The following SMC1B variants were observed in gnomAD, a reference collection of about 807,000 sequenced individuals.
SMC1B encodes structural maintenance of chromosomes 1B.
SMC1B carries 60 observed loss-of-function variants against 157.9 expected under a neutral mutation model. The ratio of observed to expected loss-of-function variants is 0.38; its 90% confidence interval spans 0.31 to 0.47. The LOEUF is 0.47. Ranked by LOEUF, SMC1B falls within the 20% of genes least tolerant of loss-of-function variation. The pLI is 0.99. For synonymous variants in SMC1B, 445 were observed against 483.0 expected (o/e 0.92, Z 1.03); for missense variants, 1,165 against 1,426.2 (o/e 0.82, Z 2.95).
intron 13 of SMC1B, 26 bp downstream of exon 13, chr22:45,372,129 T>C (rs771330049): frequency 3.8e-6 from 6 of 1,562,296 alleles, no homozygotes; most frequent in Non-Finnish European, 5.2e-6. Context: ...CAAATGCCTA[T>C]CATATTTTAT....
chr22:45,389,311 C>G (rs2087029711), intron 10 of SMC1B, among the ~76,000 whole-genome samples: 1 of 152,178 alleles, frequency 6.6e-6, no homozygotes, highest in African/African-American at 2.4e-5. Context: ...TTAGCCTTTT[C>G]CACAAAGAGC....
chr22:45,374,537 T>C (rs532957823), intron 12 of SMC1B, among the ~76,000 whole-genome samples: 4 of 152,356 alleles, frequency 2.6e-5, no homozygotes, highest in African/African-American at 7.2e-5. Context: ...CCTAATGTTT[T>C]TGAATTTTTA....
At position 45,408,758 on chromosome 22, in the gene SMC1B, A is replaced by T; in HGVS notation, c.250T>A (p.Tyr84Asn). The T allele has an allele frequency of 6.3e-7, 1 of 1,599,684 alleles. No homozygotes were observed. The highest frequency in any genetic ancestry group is 8.5e-7 in the Non-Finnish European group (1 of 1,175,244). Residue 84 changes from tyrosine (Y) to asparagine (N), a missense_variant, in exon 2 of 25, where the codon TAT becomes AAT. Transcript: ENST00000357450. ...TTCTCTTCGCCACTTTCCTCCACAT[A>T]TATAATTTTTACACTTGCAGAAGAA... The part of the protein sequence containing the change: ...ISSSASVKII[Y>N]VEESGEEKTF...
At chr22:45,397,531 A>G (rs1003064142) in intron 6 of SMC1B, among the ~76,000 whole-genome samples, 2 of 152,190 alleles carry the variant, frequency 1.3e-5, no homozygotes, top group African/African-American at 4.8e-5. Context: ...GACAGTTTAA[A>G]GCCTAGCTAC....
In SMC1B at chr22:45,398,551, C is replaced by T. The variant is rs551405204; in HGVS notation, c.1113+544G>A. ...TGACTGAGAAAAATCCTGCATCGGC[C>T]GGGCATGGTGGCTCACGCCTGTAAT... On this transcript the variant is annotated intron_variant, in intron 6 of 24. Coordinates refer to ENST00000357450, the MANE Select transcript of SMC1B (RefSeq NM_148674.5). 3.9e-3 allele frequency among the ~76,000 whole-genome samples: 594 copies of T among 152,264 alleles called. 9 individuals are homozygous for T. The highest frequency in any genetic ancestry group is 1.6e-3 in the Non-Finnish European group (111 of 67,998).
intron 22 of SMC1B, 121 bp downstream of exon 22, chr22:45,352,330 A>G (rs1325467764): frequency 2.3e-6 from 2 of 854,114 alleles, no homozygotes; most frequent in Non-Finnish European, 3.3e-6. Context: ...CTGGCTGAAG[A>G]AGATAGTTTT....
At chr22:45,407,159 G>A (rs776339576) in intron 2 of SMC1B, among the ~76,000 whole-genome samples, 8 of 152,078 alleles carry the variant, frequency 5.3e-5, no homozygotes, top group Admixed American at 1.3e-4. Flanking sequence ...TAAGCCAAAG[G>A]GAAAAGTCAA....
rs760170443 is a variant in SMC1B at position 45,406,744 on chromosome 22, G to A, written c.411+9C>T. On this transcript the variant is annotated intron_variant, in intron 3 of 24. Coordinates refer to ENST00000357450, the MANE Select transcript of SMC1B (RefSeq NM_148674.5). ...ACTCTGAATCAAATAAACTACTATA[G>A]CTACTTACCTGAAAAACCAAACAAT... 1.3e-6 allele frequency: 2 copies of A among 1,585,008 alleles called. No individual in the cohort carries two copies. Among genetic ancestry groups the A allele is most frequent in the Admixed American group, 3.8e-5 (2 of 52,002 alleles).
intron 10 of SMC1B, among the ~76,000 whole-genome samples, chr22:45,387,983 G>C (rs2087008113): frequency 1.3e-5 from 2 of 151,296 alleles, no homozygotes; most frequent in Non-Finnish European, 2.9e-5. Context: ...AGTGAGCCGA[G>C]ATCACGCCAT....
At chr22:45,362,052 A>G (rs2086727085) in intron 16 of SMC1B, 68 bp from the exon 17 acceptor site, 2 of 1,473,600 alleles carry the variant, frequency 1.4e-6, no homozygotes, top group South Asian at 1.3e-5. Flanking sequence ...CTATGTTCTT[A>G]TCAATAACAC....
chr22:45,354,883 G>A (rs2086654725), intron 20 of SMC1B, 76 bp downstream of exon 20: 1 of 1,381,170 alleles, frequency 7.2e-7, no homozygotes, highest in Non-Finnish European at 1.0e-6. Context: ...ACAACAGAGG[G>A]GAGATTGTTG....
chr22:45,405,465 T>TG (rs2087248629), intron 4 of SMC1B, among the ~76,000 whole-genome samples: 1 of 150,846 alleles, frequency 6.6e-6, no homozygotes, highest in Non-Finnish European at 1.5e-5. Context: ...GGCAGGAGAA[T>TG]GGCGTGAACC....
intron 1 of SMC1B, among the ~76,000 whole-genome samples, chr22:45,410,673 A>G (rs953692038): frequency 3.3e-5 from 5 of 152,236 alleles, no homozygotes; most frequent in Non-Finnish European, 5.9e-5. Context: ...ACTGTACTCC[A>G]GCCTGGGCAA....
At chr22:45,377,496 G>T (rs1174390078) in intron 12 of SMC1B, among the ~76,000 whole-genome samples, 1 of 151,860 alleles carries the variant, frequency 6.6e-6, no homozygotes, top group African/African-American at 2.4e-5. Flanking sequence ...AAATTAGCTG[G>T]GCATGGTGGT....
intron 16 of SMC1B, 114 bp downstream of exon 16, chr22:45,362,771 T>C (rs2086734216): frequency 2.4e-6 from 2 of 831,372 alleles, no homozygotes; most frequent in African/African-American, 3.5e-5. Context: ...ATTTCTTAAA[T>C]CTGTCCCCAA....
At chr22:45,367,661 C>G (rs1184194397) in intron 15 of SMC1B, among the ~76,000 whole-genome samples, 3 of 152,190 alleles carry the variant, frequency 2.0e-5, no homozygotes, top group Non-Finnish European at 4.4e-5. Flanking sequence ...GAGGCAGGGA[C>G]AGGCCCCTTG....
At chr22:45,393,426 T>A (rs1395139245) in intron 9 of SMC1B, among the ~76,000 whole-genome samples, 1 of 152,188 alleles carries the variant, frequency 6.6e-6, no homozygotes, top group Non-Finnish European at 1.5e-5. Context: ...AATAATTACG[T>A]TATCTACAGC....
intron 14 of SMC1B, among the ~76,000 whole-genome samples, 187 bp from the exon 15 acceptor site, chr22:45,370,247 A>T (rs903209198): frequency 1.3e-5 from 2 of 152,180 alleles, no homozygotes; most frequent in Non-Finnish European, 1.5e-5. Flanking sequence ...TCTACTTTCA[A>T]ATTTCTTATT....
At chr22:45,365,214 TAC>T (rs2086764000) in intron 15 of SMC1B, among the ~76,000 whole-genome samples, 1 of 152,174 alleles carries the variant, frequency 6.6e-6, no homozygotes, top group Admixed American at 6.5e-5. Flanking sequence ...GCCATTTATA[TAC>T]GGACATTCCC....
Sources: gnomAD v4.1 joint callset for allele counts (sites outside exome capture counted in the v4.1 genomes callset) on GRCh38, gnomAD v4.1.1 for gene constraint, MANE v1.5 for transcripts, NCBI Gene and HGNC (gene_info 2026-07-23, HGNC 2026-07-21) for gene names.